GPC6: variants seen among roughly 807,000 people sequenced by gnomAD.
GPC6 encodes glypican 6.
GPC6 carries 14 observed loss-of-function variants against 55.2 expected under a neutral mutation model. The observed-to-expected ratio is 0.25, with a 90% confidence interval of 0.17 to 0.40. GPC6 has a LOEUF of 0.40. GPC6 is among the 10% of genes least tolerant of loss of function. The pLI is 1.00. For synonymous variants in GPC6, 278 were observed against 259.6 expected, an observed-to-expected ratio of 1.07 and a Z score of -0.68; for missense variants, 641 against 708.5, an observed-to-expected ratio of 0.90 and a Z score of 1.08.
intron 6 of GPC6, among the ~76,000 whole-genome samples, chr13:94,352,496 C>T (rs1201105925): frequency 6.6e-6 from 1 of 152,148 alleles, no homozygotes; most frequent in Admixed American, 6.5e-5. Flanking sequence ...GAGGCCCCAA[C>T]ATTCATTCTC....
chr13:93,463,605 T>C (rs1163773469), intron 1 of GPC6, among the ~76,000 whole-genome samples: 1 of 152,204 alleles, frequency 6.6e-6, no homozygotes, highest in Non-Finnish European at 1.5e-5. Context: ...ATTTTTAGCA[T>C]GCCACTGTGT....
chr13:93,992,812 A>T (rs1009242098), intron 3 of GPC6, among the ~76,000 whole-genome samples: 2 of 152,220 alleles, frequency 1.3e-5, no homozygotes, highest in Admixed American at 1.3e-4. Flanking sequence ...AGGACGGTGT[A>T]TAGAAAATTT....
At chr13:94,218,267 G>T (rs1391617203) in intron 4 of GPC6, among the ~76,000 whole-genome samples, 1 of 152,144 alleles carries the variant, frequency 6.6e-6, no homozygotes, top group African/African-American at 2.4e-5. Flanking sequence ...ATAGCTGCAA[G>T]ATAATTTAAA....
intron 1 of GPC6, among the ~76,000 whole-genome samples, chr13:93,389,581 T>C (rs1200331874): frequency 6.6e-6 from 1 of 151,912 alleles, no homozygotes; most frequent in Admixed American, 6.6e-5. Flanking sequence ...TGTATGTATA[T>C]ATGTATACAC....
intron 4 of GPC6, among the ~76,000 whole-genome samples, chr13:94,205,519 G>C (rs1889874529): frequency 1.3e-5 from 2 of 152,160 alleles, no homozygotes; most frequent in Non-Finnish European, 2.9e-5. Context: ...AAGGATCCTA[G>C]AAAAATTTCC....
intron 3 of GPC6, among the ~76,000 whole-genome samples, chr13:93,994,406 T>C (rs1055596207): frequency 5.3e-5 from 8 of 152,222 alleles, no homozygotes; most frequent in Non-Finnish European, 1.2e-4. Context: ...TCTTCAGAAA[T>C]TATAACATTG....
At chr13:93,378,248 T>C (rs1594129679) in intron 1 of GPC6, among the ~76,000 whole-genome samples, 1 of 152,210 alleles carries the variant, frequency 6.6e-6, no homozygotes, top group Admixed American at 6.5e-5. Context: ...TAATGGCTAG[T>C]TGATAAGCAT....
intron 4 of GPC6, among the ~76,000 whole-genome samples, chr13:94,104,921 C>G (rs924809933): frequency 1.3e-5 from 2 of 152,060 alleles, no homozygotes; most frequent in Non-Finnish European, 2.9e-5. Context: ...AATGCCATCC[C>G]CATCAAGCTA....
At chr13:93,246,280 C>G (rs2139021897) in intron 1 of GPC6, among the ~76,000 whole-genome samples, 1 of 152,330 alleles carries the variant, frequency 6.6e-6, no homozygotes, top group Non-Finnish European at 1.5e-5. Flanking sequence ...CTAGGCTTTA[C>G]TAGTTGCATG....
At chr13:94,228,705 C>T (rs2139010353) in intron 4 of GPC6, among the ~76,000 whole-genome samples, 1 of 152,022 alleles carries the variant, frequency 6.6e-6, no homozygotes. Flanking sequence ...GAATATTCTC[C>T]ACTCCTGGAA....
At chr13:94,284,214 A>G (rs9561532) in intron 4 of GPC6, among the ~76,000 whole-genome samples, 83,123 of 151,970 alleles carry the variant, frequency 0.55, 23,315 homozygotes, top group African/African-American at 0.66. Flanking sequence ...AAGAGCCACC[A>G]TTCACTATGA....
intron 4 of GPC6, among the ~76,000 whole-genome samples, chr13:94,032,474 A>T: frequency 6.6e-6 from 1 of 152,218 alleles, no homozygotes; most frequent in Non-Finnish European, 1.5e-5. Flanking sequence ...TATAATTGTT[A>T]CACCAAAGCC....
chr13:94,034,664 T>C (rs955200974), intron 4 of GPC6, among the ~76,000 whole-genome samples: 1 of 152,096 alleles, frequency 6.6e-6, no homozygotes, highest in Non-Finnish European at 1.5e-5. Flanking sequence ...CCAACTTTTG[T>C]TCATCCATTT....
chr13:93,783,576 G>A lies in GPC6; in HGVS notation c.320-46578G>A, dbSNP rs7324643. Among the ~76,000 whole-genome samples the A allele has an allele frequency of 5.1e-3, 773 of 151,122 alleles. 7 individuals are homozygous for A. Among genetic ancestry groups the A allele is most frequent in the African/African-American group, 0.018 (738 of 41,062 alleles). ...CTGTGGTTTTGAGATCTATCTATCT[G>A]TCTATCTATCTATCTATCTATCTAT... On this transcript the variant is annotated intron_variant, in intron 2 of 8. Transcript: ENST00000377047.
At chr13:94,024,052 G>A (rs1365669243) in intron 3 of GPC6, among the ~76,000 whole-genome samples, 1 of 151,576 alleles carries the variant, frequency 6.6e-6, no homozygotes, top group East Asian at 1.9e-4. Flanking sequence ...TGTGGTGGTG[G>A]TGGTTCCACA....
chr13:93,851,709 TTACTC>T lies in GPC6; in HGVS notation c.711+21168_711+21172del, dbSNP rs1285698177. 6.6e-5 allele frequency among the ~76,000 whole-genome samples: 10 copies of T among 151,968 alleles called. No homozygotes were observed. The South Asian group carries it at 8.3e-4, about 13-fold the overall frequency. On this transcript the variant is annotated intron_variant, in intron 3 of 8. Transcript: ENST00000377047. ...TTGAAAAACAGCATTATGTTTGTAT[TTACTC>T]TACAGTTTGTTAAATCAATATGCAG...
intron 2 of GPC6, among the ~76,000 whole-genome samples, chr13:93,614,240 A>C (rs1225652018): frequency 1.3e-5 from 2 of 152,194 alleles, no homozygotes; most frequent in African/African-American, 4.8e-5. Flanking sequence ...TTTTAAACTA[A>C]ATGACAATAC....
intron 4 of GPC6, among the ~76,000 whole-genome samples, chr13:94,188,269 A>G (rs1475319226): frequency 6.6e-6 from 1 of 152,174 alleles, no homozygotes; most frequent in Non-Finnish European, 1.5e-5. Flanking sequence ...TGTCACTGAG[A>G]GGAAGGCCCA....
intron 2 of GPC6, among the ~76,000 whole-genome samples, chr13:93,637,923 A>G (rs1423019969): frequency 1.3e-5 from 2 of 152,120 alleles, no homozygotes; most frequent in Non-Finnish European, 2.9e-5. Context: ...GGGACATTCC[A>G]AAGGTGTCCA....
Sources: gnomAD v4.1 joint callset for allele counts (sites outside exome capture counted in the v4.1 genomes callset) on GRCh38, gnomAD v4.1.1 for gene constraint, MANE v1.5 for transcripts, NCBI Gene and HGNC (gene_info 2026-07-23, HGNC 2026-07-21) for gene names.